The following DST variants were observed in gnomAD, a reference collection of about 807,000 sequenced individuals.
DST encodes the protein bullous pemphigoid antigen.
DST carries 253 observed loss-of-function variants against 875.2 expected under a neutral mutation model. That is an observed-to-expected ratio of 0.29 (90% confidence interval 0.26 to 0.32). DST has a LOEUF of 0.32. Ranked by LOEUF, DST falls within the 10% of genes least tolerant of loss-of-function variation. The probability of loss-of-function intolerance (pLI) is 1.00; values close to 1 mark genes in which losing one functional copy is unlikely to be tolerated. For synonymous variants in DST, 3,124 were observed against 3,197.1 expected (o/e 0.98, Z 0.77); for missense variants, 8,287 against 9,111.6 (o/e 0.91, Z 3.68).
chr6:56,464,358 A>G (rs1052852830), intron 100 of DST: 1 of 362,100 alleles, frequency 2.8e-6, no homozygotes, highest in Non-Finnish European at 5.0e-6. Context: ...CCAACATGCA[A>G]TAACAAACAC....
intron 5 of DST, among the ~76,000 whole-genome samples, chr6:56,719,500 G>C (rs1422386705): frequency 6.6e-6 from 1 of 152,164 alleles, no homozygotes; most frequent in Non-Finnish European, 1.5e-5. Context: ...CATTTCCTCA[G>C]TTCTACATTA....
intron 96 of DST, 70 bp downstream of exon 96, chr6:56,470,058 T>C (rs1367964059): frequency 6.2e-7 from 1 of 1,603,294 alleles, no homozygotes; most frequent in Non-Finnish European, 8.5e-7. Flanking sequence ...AAAATGGTTG[T>C]ATGAATTGTG....
intron 4 of DST, among the ~76,000 whole-genome samples, chr6:56,819,520 T>TAGGC (rs1169493189): frequency 6.6e-6 from 1 of 152,188 alleles, no homozygotes; most frequent in Non-Finnish European, 1.5e-5. Context: ...AGTAATTTAT[T>TAGGC]AGGCCTCTTC....
intron 4 of DST, among the ~76,000 whole-genome samples, chr6:56,790,054 T>C (rs1156320942): frequency 1.3e-5 from 2 of 152,190 alleles, no homozygotes; most frequent in African/African-American, 2.4e-5. Flanking sequence ...TGAGCTCATT[T>C]CTCTTCATGC....
chr6:56,496,672 G>A (rs1383541249), intron 82 of DST, among the ~76,000 whole-genome samples: 1 of 151,926 alleles, frequency 6.6e-6, no homozygotes, highest in Non-Finnish European at 1.5e-5. Flanking sequence ...GTGGGGGAAG[G>A]TTTGTGTCTA....
chr6:56,759,386 G>A (rs1204402267), intron 4 of DST, among the ~76,000 whole-genome samples: 3 of 152,106 alleles, frequency 2.0e-5, no homozygotes, highest in African/African-American at 7.2e-5. Context: ...GGGAGGCAGA[G>A]GTTGCAGTGA....
chr6:56,654,994 C>G (rs2098998549), intron 10 of DST, among the ~76,000 whole-genome samples: 1 of 151,738 alleles, frequency 6.6e-6, no homozygotes. Context: ...AACCCTGTCT[C>G]CACTAAAAAT....
chr6:56,636,487 T>C (rs954658044), intron 23 of DST, 70 bp downstream of exon 23: 16 of 1,171,836 alleles, frequency 1.4e-5, no homozygotes, highest in Non-Finnish European at 2.0e-5. Context: ...CAATAAATTA[T>C]GAAAAAGATT....
chr6:56,865,261 CTGTGTGTGTGTG>C (rs35870270), intron 3 of DST, among the ~76,000 whole-genome samples: 7 of 143,788 alleles, frequency 4.9e-5, no homozygotes, highest in East Asian at 2.0e-4. Context: ...CCCTAGTTTT[CTGTGTGTGTGTG>C]TGTGTGTGTG....
At chr6:56,871,348 T>A in intron 3 of DST, 1 of 1,045,786 alleles carries the variant, frequency 9.6e-7, no homozygotes, top group South Asian at 1.3e-5. Flanking sequence ...GATGTCACTT[T>A]ACAGAAACAG....
At chr6:56,471,939 AT>A (rs1184435468) in intron 94 of DST, 119 bp downstream of exon 94, 7 of 996,082 alleles carry the variant, frequency 7.0e-6, no homozygotes, top group Admixed American at 5.2e-5. Context: ...ATGTACTCAA[AT>A]AGCAAGAGTT....
At chr6:56,947,647 G>C (rs985705728) in intron 2 of DST, among the ~76,000 whole-genome samples, 1 of 152,176 alleles carries the variant, frequency 6.6e-6, no homozygotes, top group African/African-American at 2.4e-5. Context: ...TAGTATACAC[G>C]AATCATTTTT....
intron 10 of DST, among the ~76,000 whole-genome samples, chr6:56,658,021 C>T (rs903824841): frequency 6.6e-6 from 1 of 151,930 alleles, no homozygotes; most frequent in Admixed American, 6.6e-5. Flanking sequence ...TCGCCTCGGC[C>T]CCCCCAACTG....
At chr6:56,504,753 G>A (rs963792153) in intron 77 of DST, among the ~76,000 whole-genome samples, 1 of 152,012 alleles carries the variant, frequency 6.6e-6, no homozygotes, top group Non-Finnish European at 1.5e-5. Context: ...GAGTGCAGTG[G>A]CACAATCAAA....
chr6:56,521,956 T>C (rs1408371645), intron 69 of DST, among the ~76,000 whole-genome samples: 1 of 152,158 alleles, frequency 6.6e-6, no homozygotes, highest in East Asian at 1.9e-4. Flanking sequence ...AAAATGTTGA[T>C]AATCTTGGCA....
chr6:56,774,624 A>T (rs1005975999), intron 4 of DST, among the ~76,000 whole-genome samples: 2 of 152,222 alleles, frequency 1.3e-5, no homozygotes, highest in Non-Finnish European at 2.9e-5. Flanking sequence ...AACTGAATTC[A>T]GTTCACTTCA....
intron 3 of DST, among the ~76,000 whole-genome samples, chr6:56,888,033 C>A (rs1785455783): frequency 6.6e-6 from 1 of 151,584 alleles, no homozygotes; most frequent in African/African-American, 2.4e-5. Context: ...TCACTGCAAC[C>A]TCTGCCTCCC....
chr6:56,540,364 T>C (rs2097104891), intron 61 of DST: 2 of 152,664 alleles, frequency 1.3e-5, no homozygotes, highest in African/African-American at 2.4e-5. Context: ...TCTTTCTTGC[T>C]GATACGAATT....
chr6:56,813,423 G>A (rs577073133), intron 4 of DST, among the ~76,000 whole-genome samples: 13 of 151,628 alleles, frequency 8.6e-5, no homozygotes, highest in South Asian at 6.3e-4. Flanking sequence ...GTCCACTTAC[G>A]AAGCAAATAC....
Sources: allele counts gnomAD v4.1 joint callset (sites outside exome capture counted in the v4.1 genomes callset), GRCh38; gene constraint gnomAD v4.1.1; transcripts MANE v1.5; gene names NCBI Gene and HGNC (gene_info 2026-07-23, HGNC 2026-07-21).